The following TCF7L2 variants were observed in gnomAD, a reference collection of about 807,000 sequenced individuals.
TCF7L2 encodes the protein transcription factor 7 like 2.
In TCF7L2, 23 loss-of-function variants were observed where a neutral mutation model predicts 77.9. The observed-to-expected ratio is 0.30, with a 90% CI of 0.21 to 0.42. The LOEUF is 0.42. TCF7L2 is among the 10% of genes least tolerant of loss of function. The pLI is 1.00. For synonymous variants in TCF7L2, 413 were observed against 340.2 expected (o/e 1.21, Z -2.36); for missense variants, 654 against 793.1 (o/e 0.82, Z 2.11).
chr10:113,040,069 C>T lies in TCF7L2; in HGVS notation c.495C>T (p.Ser165=), dbSNP rs2134264806. 6.2e-7 allele frequency: 1 copy of T among 1,613,982 alleles called. No homozygotes were observed. Among genetic ancestry groups the T allele is most frequent in the Admixed American group, 1.7e-5 (1 of 60,000 alleles). The change falls in exon 5 of 14, where the codon AGC becomes AGT. Residue 165 remains serine, a synonymous_variant. Transcript: ENST00000627217. ...CACTGCTTGATGTCCAGGCAGGGAG[C>T]CTCCAGAGTAGACAAGCCCTCAAGG...
chr10:113,076,281 G>A (rs1346803505), intron 5 of TCF7L2, among the ~76,000 whole-genome samples: 1 of 152,146 alleles, frequency 6.6e-6, no homozygotes, highest in Non-Finnish European at 1.5e-5. Flanking sequence ...GGGACTATAG[G>A]TGTGAATTAC....
intron 4 of TCF7L2, among the ~76,000 whole-genome samples, chr10:112,978,770 C>T (rs1380246180): frequency 1.3e-5 from 2 of 151,594 alleles, no homozygotes; most frequent in African/African-American, 4.8e-5. Context: ...TGAGCCACCG[C>T]GCCCGGCCAG....
chr10:113,124,649 T>C (rs1384065722), intron 5 of TCF7L2, among the ~76,000 whole-genome samples: 1 of 152,076 alleles, frequency 6.6e-6, no homozygotes, highest in African/African-American at 2.4e-5. Context: ...TTTGGGTGAA[T>C]TCAAATATGT....
At chr10:113,081,877 G>A (rs1053546733) in intron 5 of TCF7L2, among the ~76,000 whole-genome samples, 7 of 152,100 alleles carry the variant, frequency 4.6e-5, no homozygotes, top group Non-Finnish European at 7.4e-5. Context: ...CCCAGGCTGC[G>A]CCCAGGCTGG....
chr10:113,038,605 T>C (rs1304141513), intron 4 of TCF7L2, among the ~76,000 whole-genome samples: 2 of 152,206 alleles, frequency 1.3e-5, no homozygotes, highest in South Asian at 2.1e-4. Flanking sequence ...TTCTGTATTA[T>C]CCTTTCCTGT....
chr10:113,119,604 A>G (rs934782784), intron 5 of TCF7L2, among the ~76,000 whole-genome samples: 4 of 152,144 alleles, frequency 2.6e-5, no homozygotes, highest in Admixed American at 2.6e-4. Context: ...GCAAAAAATA[A>G]TAAAGTTCTT....
chr10:112,951,040 G>A (rs2030848836), intron 1 of TCF7L2, 95 bp downstream of exon 1: 2 of 1,449,534 alleles, frequency 1.4e-6, no homozygotes, highest in Non-Finnish European at 1.9e-6. Flanking sequence ...TGGGGGCGGC[G>A]GCGGGGCCCG....
intron 4 of TCF7L2, among the ~76,000 whole-genome samples, chr10:113,017,797 A>G (rs917112883): frequency 5.3e-5 from 8 of 152,204 alleles, no homozygotes; most frequent in African/African-American, 1.9e-4. Flanking sequence ...ATTGAATCCT[A>G]TGCTGGGCCT....
Position 113,166,031 on chromosome 10 carries a change from G to T in TCF7L2, c.*59G>T, listed in dbSNP as rs529913198. Reference sequence around the variant, plus strand: ...GGTTTTGTTTCACTTTTCTTAATTTGCCCCCCACCCCCACCTTGAAAGGTT... The same window carrying T: ...GGTTTTGTTTCACTTTTCTTAATTTTCCCCCCACCCCCACCTTGAAAGGTT... On this transcript the variant is annotated 3_prime_UTR_variant, in exon 14 of 14. Transcript: ENST00000627217. The T allele has an allele frequency of 2.1e-6, 3 of 1,396,438 alleles. 1 individual carries two copies. Among genetic ancestry groups the T allele is most frequent in the South Asian group, 3.9e-5 (2 of 51,040 alleles). The allele number at this position is 1,396,438 out of a possible 1,614,324, so 86.5% of individuals were successfully genotyped here.
Position 113,144,116 on chromosome 10 carries a change from G to A in TCF7L2, c.788+91G>A, listed in dbSNP as rs958810778. The A allele has an allele frequency of 8.9e-6, 8 of 894,322 alleles. No homozygotes were observed. In the East Asian group the frequency reaches 1.2e-4, roughly 14 times the overall value. 55.4% of individuals were successfully genotyped at this position (894,322 alleles called of 1,614,324 possible). ...TGTGTGTGTCTGTGTGTGTGTGTGT[G>A]TGTGTGTGTGTGTGTGTGTGTATGT... On this transcript the variant is annotated intron_variant, in intron 7 of 13. Transcript: ENST00000627217.
At chr10:113,053,952 C>T (rs2054904522) in intron 5 of TCF7L2, among the ~76,000 whole-genome samples, 2 of 152,220 alleles carry the variant, frequency 1.3e-5, no homozygotes, top group African/African-American at 2.4e-5. Context: ...GGAGCCAGGA[C>T]TCTCACCCTT....
chr10:113,027,253 T>C (rs7924080), intron 4 of TCF7L2, among the ~76,000 whole-genome samples: 81,705 of 152,002 alleles, frequency 0.54, 24,662 homozygotes, highest in African/African-American at 0.81. Context: ...GTTCCTCAAC[T>C]GCTTATTTCT....
chr10:112,972,873 CA>C (rs2038585428), intron 4 of TCF7L2, among the ~76,000 whole-genome samples: 1 of 152,202 alleles, frequency 6.6e-6, no homozygotes, highest in Non-Finnish European at 1.5e-5. Flanking sequence ...AATGAGGAAA[CA>C]GATACCTGAG....
At chr10:112,959,019 T>C (rs1275992010) in intron 3 of TCF7L2, among the ~76,000 whole-genome samples, 1 of 152,198 alleles carries the variant, frequency 6.6e-6, no homozygotes, top group African/African-American at 2.4e-5. Context: ...GAAATATGTT[T>C]TGTACAAGAG....
intron 5 of TCF7L2, among the ~76,000 whole-genome samples, chr10:113,090,923 T>G (rs1281738328): frequency 6.6e-6 from 1 of 152,058 alleles, no homozygotes; most frequent in African/African-American, 2.4e-5. Flanking sequence ...TATTTTTTAT[T>G]TTGAGACGGA....
At chr10:113,122,486 A>C (rs902817276) in intron 5 of TCF7L2, among the ~76,000 whole-genome samples, 2 of 152,230 alleles carry the variant, frequency 1.3e-5, no homozygotes, top group African/African-American at 4.8e-5. Context: ...TGTGTAGTAC[A>C]TTCTCATTCT....
chr10:113,073,098 T>TA (rs1336161624), intron 5 of TCF7L2, among the ~76,000 whole-genome samples: 135 of 28,008 alleles, frequency 4.8e-3, no homozygotes, highest in Non-Finnish European at 6.7e-3. Context: ...CAGGGCCAGG[T>TA]CGTGTGTGTG....
intron 13 of TCF7L2, among the ~76,000 whole-genome samples, chr10:113,164,775 GTTTT>G (rs1453426252): frequency 6.7e-6 from 1 of 148,764 alleles, no homozygotes; most frequent in Non-Finnish European, 1.5e-5. Flanking sequence ...TTCGTTTTTT[GTTTT>G]TTGTTTTTGT....
intron 5 of TCF7L2, among the ~76,000 whole-genome samples, chr10:113,128,886 C>T (rs972342596): frequency 1.3e-5 from 2 of 152,140 alleles, no homozygotes; most frequent in African/African-American, 2.4e-5. Flanking sequence ...AAAAGTAAGT[C>T]GGGTTTGTGG....
Sources: allele counts gnomAD v4.1 joint callset (sites outside exome capture counted in the v4.1 genomes callset), GRCh38; gene constraint gnomAD v4.1.1; transcripts MANE v1.5; gene names NCBI Gene and HGNC (gene_info 2026-07-23, HGNC 2026-07-21).